WDR19: variants seen among roughly 807,000 people sequenced by gnomAD.
WDR19 encodes WD repeat-containing protein 19.
WDR19 carries 121 observed loss-of-function variants against 180.0 expected under a neutral mutation model. The ratio of observed to expected loss-of-function variants is 0.67; its 90% confidence interval spans 0.58 to 0.78. The LOEUF (loss-of-function observed/expected upper bound fraction) is 0.78. Among genes scored for constraint, WDR19 ranks in the 30% least tolerant of loss-of-function variants. WDR19 has a pLI of 0.00. For synonymous variants in WDR19, 497 were observed against 540.7 expected (o/e 0.92, Z 1.12); for missense variants, 1,450 against 1,640.7 (o/e 0.88, Z 2.01).
chr4:39,254,360 C>T (rs1362023997), intron 26 of WDR19, among the ~76,000 whole-genome samples: 1 of 152,024 alleles, frequency 6.6e-6, no homozygotes, highest in Non-Finnish European at 1.5e-5. Context: ...ATAGGAAATG[C>T]AAGATGATTT....
intron 17 of WDR19, among the ~76,000 whole-genome samples, chr4:39,230,644 T>C (rs974133542): frequency 3.9e-5 from 6 of 152,220 alleles, no homozygotes; most frequent in African/African-American, 7.2e-5. Flanking sequence ...TATGCTATAG[T>C]CATTTGTTTC....
intron 21 of WDR19, among the ~76,000 whole-genome samples, chr4:39,242,831 G>A (rs948321560): frequency 6.6e-6 from 1 of 152,062 alleles, no homozygotes; most frequent in African/African-American, 2.4e-5. Context: ...CACCACGATT[G>A]GCTAATTTTT....
Position 39,189,658 on chromosome 4 carries a change from A to G in WDR19, c.167A>G (p.Asn56Ser). Residue 56 changes from asparagine to serine, a missense_variant and splice_region_variant, in exon 4 of 37, where the codon AAC becomes AGC. Coordinates refer to ENST00000399820, the MANE Select transcript of WDR19 (RefSeq NM_025132.4). ...TATTTTGCTCTCTTTTTTAAAAGTA[A>G]CTGTGTTGCCATGGATTGGGATAAA... ...QKRSEINLPG[N>S]CVAMDWDKDG... is the part of the protein sequence containing the mutation. The G allele has an allele frequency of 1.3e-6, 2 of 1,586,378 alleles. 1 individual carries two copies. The highest frequency in any genetic ancestry group is 3.3e-4 in the Middle Eastern group (2 of 5,994).
intron 26 of WDR19, 111 bp from the exon 27 acceptor site, chr4:39,255,737 G>A (rs1382736971): frequency 2.0e-6 from 1 of 505,902 alleles, no homozygotes; most frequent in East Asian, 3.1e-5. Context: ...TTACATTGAT[G>A]TTTGCTGTTA....
At chr4:39,234,275 A>T (rs1731159950) in intron 19 of WDR19, among the ~76,000 whole-genome samples, 1 of 152,186 alleles carries the variant, frequency 6.6e-6, no homozygotes, top group Non-Finnish European at 1.5e-5. Context: ...AAAAAAGACC[A>T]CAGGAACATA....
At chr4:39,228,171 G>C (rs1285904349) in intron 15 of WDR19, 39 bp from the exon 16 acceptor site, 4 of 1,605,368 alleles carry the variant, frequency 2.5e-6, no homozygotes, top group Non-Finnish European at 3.4e-6. Flanking sequence ...AATGATTCAA[G>C]TACAGACTTG....
At chr4:39,216,453 A>T (rs923912823) in intron 12 of WDR19, among the ~76,000 whole-genome samples, 1 of 152,358 alleles carries the variant, frequency 6.6e-6, no homozygotes, top group African/African-American at 2.4e-5. Context: ...TCAGAATTAG[A>T]GAGGCCCTGG....
At chr4:39,240,397 T>A in intron 21 of WDR19, 63 bp downstream of exon 21, 2 of 1,051,700 alleles carry the variant, frequency 1.9e-6, no homozygotes, top group South Asian at 2.4e-5. Context: ...GTTTCATTTT[T>A]AAAAATCATG....
rs375102262 is a variant in WDR19, at chr4:39,252,474, G to A, written c.2730-672G>A. Among the ~76,000 whole-genome samples the A allele has an allele frequency of 3.3e-5, 5 of 151,448 alleles. No individual in the cohort carries two copies. In the East Asian group the frequency reaches 9.7e-4, roughly 29 times the overall value. On this transcript the variant is annotated intron_variant, in intron 24 of 36. Transcript: ENST00000399820. ...GTATACATAGATAACAAACCTGCAC[G>A]TTGTGCACATGTACCCTAAAACTTA...
intron 15 of WDR19, among the ~76,000 whole-genome samples, chr4:39,226,581 C>G (rs1463187723): frequency 6.6e-6 from 1 of 152,130 alleles, no homozygotes; most frequent in Non-Finnish European, 1.5e-5. Context: ...AGCCAGACTG[C>G]CTGGGTTCAA....
At chr4:39,186,149 T>A (rs1173816625) in intron 2 of WDR19, among the ~76,000 whole-genome samples, 1 of 152,142 alleles carries the variant, frequency 6.6e-6, no homozygotes, top group Non-Finnish European at 1.5e-5. Context: ...AACACTGAAA[T>A]CATTTGGATG....
chr4:39,209,845 AG>A (rs1728316252), intron 9 of WDR19, among the ~76,000 whole-genome samples: 1 of 152,176 alleles, frequency 6.6e-6, no homozygotes, highest in Non-Finnish European at 1.5e-5. Context: ...ATGAAACAGG[AG>A]TATCCATCTG....
chr4:39,232,388 G>T, intron 19 of WDR19, 116 bp downstream of exon 19: 1 of 811,914 alleles, frequency 1.2e-6, no homozygotes, highest in Non-Finnish European at 2.0e-6. Context: ...ACTTTGGGAG[G>T]CCAAGGTGGA....
intron 35 of WDR19, 97 bp downstream of exon 35, chr4:39,278,304 C>G: frequency 8.2e-7 from 1 of 1,217,560 alleles, no homozygotes; most frequent in Non-Finnish European, 1.2e-6. Context: ...TATTTGTGTT[C>G]CTAAGGATCT....
In WDR19 at chr4:39,278,213, T is replaced by C. The variant is rs1394263762; in HGVS notation, c.3917+6T>C. The C allele has an allele frequency of 6.3e-7, 1 of 1,597,210 alleles. No individual in the cohort carries two copies. The highest frequency in any genetic ancestry group is 1.3e-5 in the African/African-American group (1 of 74,540). ...CTATACTCAGAATTGAAGATGTAAG[T>C]GTGCATCACGTCACTCAGTCTCACT... On this transcript the variant is annotated splice_donor_region_variant and intron_variant, in intron 35 of 36. Transcript: ENST00000399820.
At chr4:39,284,765 AAC>A (rs898113140) in intron 36 of WDR19, among the ~76,000 whole-genome samples, 4 of 152,170 alleles carry the variant, frequency 2.6e-5, no homozygotes, top group African/African-American at 7.2e-5. Flanking sequence ...AATCTCTCCA[AAC>A]ACTATCAATC....
chr4:39,217,868 C>A (rs1269326338), intron 13 of WDR19, 115 bp from the exon 14 acceptor site: 1 of 1,329,218 alleles, frequency 7.5e-7, no homozygotes, highest in African/African-American at 1.5e-5. Context: ...ACTGACCTCT[C>A]GTAGTCTTGG....
At chr4:39,237,036 T>C (rs1406382101) in intron 20 of WDR19, among the ~76,000 whole-genome samples, 1 of 152,250 alleles carries the variant, frequency 6.6e-6, no homozygotes, top group Non-Finnish European at 1.5e-5. Flanking sequence ...TTTGTACATG[T>C]ATGTGTAATG....
intron 28 of WDR19, among the ~76,000 whole-genome samples, chr4:39,263,806 C>A (rs1050752150): frequency 1.3e-5 from 2 of 152,004 alleles, no homozygotes; most frequent in African/African-American, 4.8e-5. Context: ...TGCCTGTAAT[C>A]CCAGCTACTC....
Sources: gnomAD v4.1 joint callset for allele counts (sites outside exome capture counted in the v4.1 genomes callset) on GRCh38, gnomAD v4.1.1 for gene constraint, MANE v1.5 for transcripts, NCBI Gene and HGNC (gene_info 2026-07-23, HGNC 2026-07-21) for gene names.